AXDND1: variants seen among roughly 807,000 people sequenced by gnomAD.
AXDND1 encodes the protein axonemal dynein light chain domain-containing protein 1.
AXDND1 carries 110 observed loss-of-function variants against 137.5 expected under a neutral mutation model. The ratio of observed to expected loss-of-function variants is 0.80; its 90% CI spans 0.69 to 0.94. The LOEUF (loss-of-function observed/expected upper bound fraction) is 0.94, where lower values mean the gene tolerates loss of function less well. Ranked by LOEUF, AXDND1 falls within the 40% of genes least tolerant of loss-of-function variation. The pLI is 0.00. For missense variants in AXDND1, 1,191 were observed against 1,169.8 expected (o/e 1.02, Z -0.26); for synonymous variants, 414 against 399.7 (o/e 1.04, Z -0.43).
intron 25 of AXDND1, among the ~76,000 whole-genome samples, chr1:179,540,460 G>T (rs1672020655): frequency 6.6e-6 from 1 of 152,190 alleles, no homozygotes; most frequent in African/African-American, 2.4e-5. Flanking sequence ...TCAGCTGCAA[G>T]TCTGTTGGAG....
intron 16 of AXDND1, chr1:179,453,433 G>A (rs1358722373): frequency 6.6e-6 from 1 of 152,450 alleles, no homozygotes; most frequent in East Asian, 1.9e-4. Context: ...CCAAGACCAT[G>A]GGAGCCCATC....
chr1:179,422,228 A>G (rs1655861092), intron 12 of AXDND1, among the ~76,000 whole-genome samples: 1 of 134,472 alleles, frequency 7.4e-6, no homozygotes. Context: ...TCTTTCTATC[A>G]TTTTGATATA....
At chr1:179,537,511 G>A (rs1409027899) in intron 25 of AXDND1, among the ~76,000 whole-genome samples, 1 of 152,192 alleles carries the variant, frequency 6.6e-6, no homozygotes, top group Non-Finnish European at 1.5e-5. Context: ...ATTTGCATAT[G>A]CTGAACCAGC....
intron 25 of AXDND1, among the ~76,000 whole-genome samples, chr1:179,536,311 C>T (rs2125713118): frequency 6.6e-6 from 1 of 152,204 alleles, no homozygotes; most frequent in South Asian, 2.1e-4. Context: ...AGTGGTATTG[C>T]CTAGGTTTTA....
At chr1:179,497,421 A>G (rs957297974) in intron 20 of AXDND1, among the ~76,000 whole-genome samples, 6 of 152,144 alleles carry the variant, frequency 3.9e-5, no homozygotes, top group African/African-American at 1.4e-4. Context: ...CTGCATCTCA[A>G]TAGACCCAGA....
chr1:179,450,990 G>A (rs2125395616), intron 16 of AXDND1: 1 of 152,160 alleles, frequency 6.6e-6, no homozygotes, highest in East Asian at 1.9e-4. Flanking sequence ...TTGGTTTGCA[G>A]GTATTTGGTT....
chr1:179,474,618 C>T (rs1428792029), intron 17 of AXDND1, among the ~76,000 whole-genome samples: 2 of 152,118 alleles, frequency 1.3e-5, no homozygotes, highest in African/African-American at 4.8e-5. Context: ...GAACTTTGAA[C>T]TAGAGAGAGA....
intron 25 of AXDND1, among the ~76,000 whole-genome samples, chr1:179,550,092 T>C (rs1673058191): frequency 6.6e-6 from 1 of 152,218 alleles, no homozygotes; most frequent in Non-Finnish European, 1.5e-5. Flanking sequence ...CACCCCTGCA[T>C]AGTTTAGAGA....
At chr1:179,521,542 A>G (rs903482119) in intron 21 of AXDND1, among the ~76,000 whole-genome samples, 1 of 152,136 alleles carries the variant, frequency 6.6e-6, no homozygotes, top group East Asian at 1.9e-4. Flanking sequence ...TGACTTTAGC[A>G]GGAATGCCTT....
chr1:179,412,038 A>G (rs765999814), intron 12 of AXDND1, among the ~76,000 whole-genome samples: 3 of 152,088 alleles, frequency 2.0e-5, no homozygotes, highest in East Asian at 1.9e-4. Context: ...TTTTGTAGAG[A>G]TGGGATTTCT....
chr1:179,533,826 A>C lies in AXDND1; in HGVS notation c.2747A>C (p.Gln916Pro). 6.2e-7 allele frequency: 1 copy of C among 1,612,844 alleles called. No homozygotes were observed. Among genetic ancestry groups the C allele is most frequent in the Non-Finnish European group, 8.5e-7 (1 of 1,179,094 alleles). ...TCAGCTAAGCAAGGTACATTGGCCCAAAAATATCTTGAAGCAATGGCTGTA... is the reference window on the plus strand; with the variant it reads ...TCAGCTAAGCAAGGTACATTGGCCCCAAAATATCTTGAAGCAATGGCTGTA... ...RESAKQGTLAQKYLEAMAVIE... is the reference protein window; with the variant it reads ...RESAKQGTLAPKYLEAMAVIE... The change falls in exon 24 of 26, where the codon CAA becomes CCA. Residue 916 changes from glutamine to proline, a missense_variant. Transcript: ENST00000367618.
rs557241363 is a variant in AXDND1, at chr1:179,401,029, C to A, written c.1109+5827C>A. Reference sequence around the variant, plus strand: ...ATCCCAGCACTTTGGGAGGTCAAAGCGGGTGGATCAGCTGAGGTCGGGAGT... The same window carrying A: ...ATCCCAGCACTTTGGGAGGTCAAAGAGGGTGGATCAGCTGAGGTCGGGAGT... On this transcript the variant is annotated intron_variant, in intron 11 of 25. Coordinates refer to ENST00000367618, the MANE Select transcript of AXDND1 (RefSeq NM_144696.6). 1.5e-4 allele frequency among the ~76,000 whole-genome samples: 23 copies of A among 151,142 alleles called. 1 individual carries two copies. Among genetic ancestry groups the A allele is most frequent in the Non-Finnish European group, 2.8e-4 (19 of 67,842 alleles).
intron 12 of AXDND1, among the ~76,000 whole-genome samples, chr1:179,427,346 G>C (rs573399515): frequency 2.0e-5 from 3 of 149,112 alleles, no homozygotes; most frequent in South Asian, 2.2e-4. Flanking sequence ...CTTCTATATT[G>C]TTTGACTTTG....
At chr1:179,464,384 T>G (rs1212993483) in intron 16 of AXDND1, among the ~76,000 whole-genome samples, 3 of 152,154 alleles carry the variant, frequency 2.0e-5, no homozygotes, top group Non-Finnish European at 2.9e-5. Flanking sequence ...AGCTTAGTTT[T>G]ACTGGATATG....
intron 12 of AXDND1, among the ~76,000 whole-genome samples, chr1:179,429,187 AT>A (rs68055088): frequency 2.0e-5 from 3 of 152,000 alleles, no homozygotes; most frequent in African/African-American, 4.8e-5. Flanking sequence ...AGAAAAAAAA[AT>A]ATCTAGTTTA....
chr1:179,367,629 C>T (rs1030231322), intron 2 of AXDND1, among the ~76,000 whole-genome samples: 4 of 152,056 alleles, frequency 2.6e-5, no homozygotes, highest in Non-Finnish European at 5.9e-5. Flanking sequence ...CCCAGCTACT[C>T]GGCAGGCTGA....
chr1:179,380,891 C>G (rs1648154658), intron 6 of AXDND1, among the ~76,000 whole-genome samples: 1 of 152,146 alleles, frequency 6.6e-6, no homozygotes, highest in Non-Finnish European at 1.5e-5. Context: ...CACTTTGTCT[C>G]ATTTGCTCTT....
At chr1:179,496,103 G>A (rs931117796) in intron 20 of AXDND1, among the ~76,000 whole-genome samples, 11 of 151,744 alleles carry the variant, frequency 7.2e-5, no homozygotes, top group Non-Finnish European at 1.5e-4. Flanking sequence ...CTTATATGTT[G>A]CAAATTCAAT....
chr1:179,530,231 A>G lies in AXDND1; in HGVS notation c.2715+1800A>G, dbSNP rs191605869. On this transcript the variant is annotated intron_variant, in intron 23 of 25. Transcript: ENST00000367618. The stretch of plus-strand genomic sequence containing the variant: ...CTTTTAATAGAGATGGGGTTTCATT[A>G]TGTTGGTCAGGCTGGTCTTGAACTC... 3.9e-5 allele frequency among the ~76,000 whole-genome samples: 6 copies of G among 152,166 alleles called. No homozygotes were observed. In the East Asian group the frequency reaches 9.7e-4, roughly 25 times the overall value.
Sources: gnomAD v4.1 joint callset for allele counts (sites outside exome capture counted in the v4.1 genomes callset) on GRCh38, gnomAD v4.1.1 for gene constraint, MANE v1.5 for transcripts, NCBI Gene and HGNC (gene_info 2026-07-23, HGNC 2026-07-21) for gene names.